Variants in MYCBP2 observed in about 807,000 individuals in gnomAD.
MYCBP2 encodes MYC binding protein 2.
In MYCBP2, 120 loss-of-function variants were observed where a neutral mutation model predicts 525.3. That is an observed-to-expected ratio of 0.23 (90% confidence interval 0.20 to 0.27). The LOEUF (loss-of-function observed/expected upper bound fraction) is 0.27, where lower values mean the gene tolerates loss of function less well. Among genes scored for constraint, MYCBP2 ranks in the 10% least tolerant of loss-of-function variants. The probability of loss-of-function intolerance (pLI) is 1.00; values close to 1 mark genes in which losing one functional copy is unlikely to be tolerated. For synonymous variants in MYCBP2, 1,894 were observed against 1,955.8 expected, an observed-to-expected ratio of 0.97 and a Z score of 0.83; for missense variants, 4,149 against 5,657.1, an observed-to-expected ratio of 0.73 and a Z score of 8.55.
chr13:77,132,383 T>G (rs1326084965), intron 52 of MYCBP2, among the ~76,000 whole-genome samples: 1 of 152,152 alleles, frequency 6.6e-6, no homozygotes, highest in Non-Finnish European at 1.5e-5. Flanking sequence ...ATTTTATCAA[T>G]TAACCCAGGT....
intron 46 of MYCBP2, among the ~76,000 whole-genome samples, chr13:77,152,022 T>A (rs549959268): frequency 6.6e-6 from 1 of 152,342 alleles, no homozygotes; most frequent in South Asian, 2.1e-4. Flanking sequence ...AACAGAATTG[T>A]CACAGAAATA....
rs914588851 is a variant in MYCBP2, at chr13:77,249,632, T to C, written c.2381+1519A>G. Among the ~76,000 whole-genome samples the C allele has an allele frequency of 3.3e-5, 5 of 152,124 alleles. 1 individual carries two copies. Among genetic ancestry groups the C allele is most frequent in the African/African-American group, 9.7e-5 (4 of 41,420 alleles). Reference sequence around the variant, plus strand: ...CTGGTTTCAAACTCCTGGCCTCAAGTGATCCTCTGGCCTCAGCCTCCCAAA... The same window carrying C: ...CTGGTTTCAAACTCCTGGCCTCAAGCGATCCTCTGGCCTCAGCCTCCCAAA... On this transcript the variant is annotated intron_variant, in intron 15 of 82. Transcript: ENST00000544440.
chr13:77,097,312 G>A, intron 56 of MYCBP2, 58 bp downstream of exon 56: 2 of 1,529,322 alleles, frequency 1.3e-6, no homozygotes, highest in Non-Finnish European at 1.7e-6. Flanking sequence ...CTCAAATAAA[G>A]TGATCTGGTT....
intron 60 of MYCBP2, among the ~76,000 whole-genome samples, 169 bp from the exon 61 acceptor site, chr13:77,089,200 T>A (rs150357286): frequency 6.6e-6 from 1 of 152,150 alleles, no homozygotes; most frequent in African/African-American, 2.4e-5. Context: ...AAAGATTAAA[T>A]ATGTTACTCT....
chr13:77,117,612 C>T (rs2050007385), intron 55 of MYCBP2, among the ~76,000 whole-genome samples: 1 of 152,100 alleles, frequency 6.6e-6, no homozygotes, highest in Non-Finnish European at 1.5e-5. Context: ...CAAGCTGAAA[C>T]TTTCATAAAC....
intron 23 of MYCBP2, among the ~76,000 whole-genome samples, chr13:77,209,168 G>T (rs989932628): frequency 1.3e-5 from 2 of 152,140 alleles, no homozygotes; most frequent in Non-Finnish European, 2.9e-5. Flanking sequence ...CAAGGAGCTG[G>T]CAGGGCATTT....
intron 4 of MYCBP2, 85 bp from the exon 5 acceptor site, chr13:77,273,753 T>C: frequency 9.2e-7 from 1 of 1,081,390 alleles, no homozygotes; most frequent in Admixed American, 3.4e-5. Context: ...CTTTGTCTCA[T>C]TATAAACGAA....
rs1453224454 is a variant in MYCBP2, at chr13:77,294,106, A to ATATATATATATG, written c.378+2492_378+2493insCATATATATATA. 2.4e-4 allele frequency among the ~76,000 whole-genome samples: 11 copies of ATATATATATATG among 44,954 alleles called. 1 individual carries two copies. In the Admixed American group the frequency reaches 4.1e-3, roughly 17 times the overall value. 29.5% of individuals were successfully genotyped at this position (44,954 alleles called of 152,430 possible). A position where few individuals can be genotyped will look rare whatever the true frequency, so the allele number is the denominator to read the frequency against. On this transcript the variant is annotated intron_variant, in intron 2 of 82. Transcript: ENST00000544440. Reference sequence around the variant, plus strand: ...TAGCCATAAAGTAGATATAATGGCTATATATATATATATATATATATATAC... The same window carrying ATATATATATATG: ...TAGCCATAAAGTAGATATAATGGCTATATATATATATGTATATATATATATATATATATATAC...
At chr13:77,199,373 C>A (rs1159514623) in intron 26 of MYCBP2, among the ~76,000 whole-genome samples, 1 of 152,260 alleles carries the variant, frequency 6.6e-6, no homozygotes, top group Non-Finnish European at 1.5e-5. Flanking sequence ...ATATCCTGCA[C>A]CTGACTCGGA....
intron 1 of MYCBP2, among the ~76,000 whole-genome samples, chr13:77,313,314 A>C (rs2080503428): frequency 1.3e-5 from 2 of 152,032 alleles, no homozygotes; most frequent in African/African-American, 4.8e-5. Flanking sequence ...CAGCAAAGTA[A>C]ACTTAAAGAA....
At chr13:77,141,629 G>T (rs994389886) in intron 49 of MYCBP2, among the ~76,000 whole-genome samples, 1 of 151,772 alleles carries the variant, frequency 6.6e-6, no homozygotes. Context: ...AAATTAGCCG[G>T]GCCTGGTGGC....
intron 21 of MYCBP2, among the ~76,000 whole-genome samples, chr13:77,217,373 C>T (rs952576124): frequency 6.6e-6 from 1 of 151,838 alleles, no homozygotes; most frequent in Non-Finnish European, 1.5e-5. Context: ...GCACAAGCGC[C>T]TATGTAACAG....
At position 77,097,811 on chromosome 13, in the gene MYCBP2, T is replaced by C. The variant is rs150834693; in HGVS notation, c.9343A>G (p.Ile3115Val). 3 of 1,613,794 alleles carry C rather than the reference T, an allele frequency of 1.9e-6. No individual in the cohort carries two copies. The Admixed American group carries it at 5.0e-5, about 27-fold the overall frequency. Residue 3115 changes from isoleucine to valine, a missense_variant, in exon 56 of 83, where the codon ATC becomes GTC. This residue lies in a region of MYCBP2 where 653 missense variants were observed against 744.7 expected (regional missense o/e 0.88). Transcript: ENST00000544440. The part of the protein sequence containing the change: ...HGPDISKMGS[I>V]NKNKVLSMLK... ...ATAGACAATACCTTGTTTTTGTTGA[T>C]GCTACCCATCTTAGATATATCTGGT...
In MYCBP2 at chr13:77,211,167, C is replaced by G; in HGVS notation, c.3416G>C (p.Arg1139Thr). ...CLDPVYDVIWRFRPNTRELWC... is the reference protein window; with the variant it reads ...CLDPVYDVIWTFRPNTRELWC... The stretch of plus-strand genomic sequence containing the variant: ...CTATTTTATAAACTGAGATGCTTAC[C>G]TCCAAATTACATCATATACAGGATC... The change falls in exon 23 of 83, where the codon AGG (arginine) becomes ACG (threonine). Residue 1139 changes from arginine (R) to threonine (T), a missense_variant and splice_region_variant. Around this residue, in one of 21 missense-constraint regions of MYCBP2, gnomAD observed 620 missense variants for 795.5 expected, o/e 0.78. Transcript: ENST00000544440. The G allele has an allele frequency of 6.9e-7, 1 of 1,440,970 alleles. No individual in the cohort carries two copies. The highest frequency in any genetic ancestry group is 9.2e-7 in the Non-Finnish European group (1 of 1,091,696). The allele number at this position is 1,440,970 out of a possible 1,614,324, so 89.3% of individuals were successfully genotyped here.
At chr13:77,088,025 C>T (rs181281684) in intron 61 of MYCBP2, among the ~76,000 whole-genome samples, 21 of 152,160 alleles carry the variant, frequency 1.4e-4, no homozygotes, top group Admixed American at 6.5e-4. Flanking sequence ...CTCAAGTGAT[C>T]CTCCCTCCTC....
rs2035270598 is a variant in MYCBP2, at chr13:77,044,905, T to C, written c.*473A>G. 1 of 400,924 alleles carries C rather than the reference T, an allele frequency of 2.5e-6. No homozygotes were observed. The highest frequency in any genetic ancestry group is 4.4e-6 in the Non-Finnish European group (1 of 227,256). The allele number at this position is 400,924 out of a possible 1,614,324, so 24.8% of individuals were successfully genotyped here. ...TATATGCTGTCCTAACACAATGTTT[T>C]TTTTTTTTTTAAATAACAGTCTAGG... On this transcript the variant is annotated 3_prime_UTR_variant, in exon 83 of 83. Coordinates refer to ENST00000544440, the MANE Select transcript of MYCBP2 (RefSeq NM_015057.5).
chr13:77,219,564 C>T (rs892576834), intron 20 of MYCBP2, among the ~76,000 whole-genome samples: 1 of 151,776 alleles, frequency 6.6e-6, no homozygotes, highest in African/African-American at 2.4e-5. Flanking sequence ...AGAAATAGAT[C>T]TCTAAGGAAA....
chr13:77,051,179 G>T lies in MYCBP2; in HGVS notation c.13756-17C>A. The T allele has an allele frequency of 6.3e-7, 1 of 1,593,854 alleles. No homozygotes were observed. The highest frequency in any genetic ancestry group is 8.5e-7 in the Non-Finnish European group (1 of 1,172,758). On this transcript the variant is annotated splice_polypyrimidine_tract_variant and intron_variant, in intron 81 of 82. Transcript: ENST00000544440. ...GGGACACATCTATAGCAAAAGAGAA[G>T]AGACAGACACAAGATCATAGTGAGA... is the stretch of plus-strand genomic sequence containing the variant.
intron 2 of MYCBP2, among the ~76,000 whole-genome samples, chr13:77,294,119 T>TATATATATATATATATATATATAA (rs1567182258): frequency 1.6e-5 from 1 of 64,138 alleles, no homozygotes; most frequent in Admixed American, 2.5e-4. Context: ...TATATATATA[T>TATATATATATATATATATATATAA]ATATATATAT....
Sources: gnomAD v4.1 joint callset for allele counts (sites outside exome capture counted in the v4.1 genomes callset) on GRCh38, gnomAD v4.1.1 for gene constraint, gnomAD v4.1.1 regional missense constraint, MANE v1.5 for transcripts, NCBI Gene and HGNC (gene_info 2026-07-23, HGNC 2026-07-21) for gene names.